Variants in CDH23 observed in about 807,000 individuals in gnomAD.
CDH23 encodes cadherin related 23, also known as cadherin-23.
A neutral mutation model predicts 317.1 loss-of-function variants in CDH23; 189 were observed. The observed-to-expected ratio is 0.60, with a 90% CI of 0.53 to 0.67. The LOEUF (loss-of-function observed/expected upper bound fraction) is 0.67, where lower values mean the gene tolerates loss of function less well. Among genes scored for constraint, CDH23 ranks in the 30% least tolerant of loss-of-function variants. CDH23 has a pLI of 0.00. For missense variants in CDH23, 4,401 were observed against 4,592.4 expected (o/e 0.96, Z 1.20); for synonymous variants, 1,839 against 1,876.8 (o/e 0.98, Z 0.52).
chr10:71,743,057 G>A (rs560907792), intron 38 of CDH23, among the ~76,000 whole-genome samples: 1 of 152,300 alleles, frequency 6.6e-6, no homozygotes, highest in Non-Finnish European at 1.5e-5. Context: ...AGACAGCAGA[G>A]GCGTGCAAGG....
At chr10:71,769,523 G>A (rs1027123693) in intron 38 of CDH23, among the ~76,000 whole-genome samples, 1 of 152,242 alleles carries the variant, frequency 6.6e-6, no homozygotes, top group South Asian at 2.1e-4. Flanking sequence ...GGCAGACACT[G>A]CAGAGATCAC....
intron 9 of CDH23, among the ~76,000 whole-genome samples, chr10:71,588,734 G>A (rs1035365741): frequency 2.6e-5 from 4 of 152,194 alleles, no homozygotes; most frequent in Admixed American, 2.0e-4. Flanking sequence ...GGAGGAGGCA[G>A]TTCCCCTGCA....
At chr10:71,525,055 G>A (rs998711548) in intron 6 of CDH23, among the ~76,000 whole-genome samples, 3 of 152,056 alleles carry the variant, frequency 2.0e-5, no homozygotes, top group Admixed American at 1.3e-4. Context: ...TTACAGGCGT[G>A]CACCACCATG....
At chr10:71,766,501 G>T (rs1325893371) in intron 38 of CDH23, among the ~76,000 whole-genome samples, 1 of 152,204 alleles carries the variant, frequency 6.6e-6, no homozygotes, top group Non-Finnish European at 1.5e-5. Context: ...CCACTTAGTT[G>T]TGCCCTCATT....
At position 71,806,249 on chromosome 10, in the gene CDH23, G is replaced by A. The variant is rs748766643; in HGVS notation, c.8146G>A (p.Asp2716Asn). Reference protein sequence around the residue: ...QPLQVALEDIDDNEPLFVRPP... With the variant: ...QPLQVALEDINDNEPLFVRPP... ...GCTGCAGGTGGCCCTGGAGGACATCGATGACAACGAACCCCTTTTCGTGAG... is the reference window on the plus strand; with the variant it reads ...GCTGCAGGTGGCCCTGGAGGACATCAATGACAACGAACCCCTTTTCGTGAG... Residue 2716 changes from aspartate to asparagine, a missense_variant, in exon 57 of 70, where the codon GAT becomes AAT. Around this residue, in one of 3 missense-constraint regions of CDH23, gnomAD observed 1,144 missense variants for 1,138.2 expected, o/e 1.01. Transcript: ENST00000224721. The A allele has an allele frequency of 1.2e-5, 19 of 1,570,102 alleles. No individual in the cohort carries two copies. Among genetic ancestry groups the A allele is most frequent in the Admixed American group, 7.4e-5 (4 of 53,696 alleles).
rs1849793051 is a variant in CDH23 at position 71,439,887 on chromosome 10, C to G, written c.56C>G (p.Ser19Cys). The change falls in exon 2 of 70, where the codon TCT becomes TGT. Residue 19 changes from serine to cysteine, a missense_variant. Coordinates refer to ENST00000224721, the MANE Select transcript of CDH23 (RefSeq NM_022124.6). ...CHVAWLLVLI[S>C]GCWGQVNRLP... Reference sequence around the variant, plus strand: ...GTGGCCTGGCTTTTGGTGCTGATCTCTGGATGCTGGGGTAAGTCCAGTCCT... The same window carrying G: ...GTGGCCTGGCTTTTGGTGCTGATCTGTGGATGCTGGGGTAAGTCCAGTCCT... The G allele has an allele frequency of 6.4e-7, 1 of 1,573,980 alleles. No homozygotes were observed. Among genetic ancestry groups the G allele is most frequent in the Admixed American group, 1.8e-5 (1 of 54,264 alleles).
At chr10:71,499,808 C>T (rs1201090142) in intron 3 of CDH23, among the ~76,000 whole-genome samples, 5 of 151,734 alleles carry the variant, frequency 3.3e-5, no homozygotes, top group African/African-American at 1.2e-4. Context: ...CATTGCACTC[C>T]AGCCTGAGCA....
At chr10:71,448,000 T>A (rs1850252897) in intron 3 of CDH23, among the ~76,000 whole-genome samples, 1 of 152,144 alleles carries the variant, frequency 6.6e-6, no homozygotes, top group Admixed American at 6.5e-5. Flanking sequence ...GGAGATCCCT[T>A]TGTGGTGGAG....
chr10:71,673,749 T>C (rs1448577668), intron 14 of CDH23, among the ~76,000 whole-genome samples: 1 of 152,154 alleles, frequency 6.6e-6, no homozygotes, highest in Non-Finnish European at 1.5e-5. Flanking sequence ...GTGGTGCTAA[T>C]AATAGTACCT....
At chr10:71,629,398 C>T (rs1048758621) in intron 11 of CDH23, among the ~76,000 whole-genome samples, 4 of 152,140 alleles carry the variant, frequency 2.6e-5, no homozygotes, top group African/African-American at 9.7e-5. Flanking sequence ...GAAGAACGTT[C>T]AGGCAGAGGG....
intron 31 of CDH23, among the ~76,000 whole-genome samples, chr10:71,731,438 G>A (rs1839382127): frequency 6.6e-6 from 1 of 152,210 alleles, no homozygotes; most frequent in Non-Finnish European, 1.5e-5. Context: ...CGCGGCTGTG[G>A]CCCCTTGAGG....
At position 71,555,196 on chromosome 10, in the gene CDH23, T is replaced by C. The variant is rs908097850; in HGVS notation, c.430-11546T>C. On this transcript the variant is annotated intron_variant, in intron 6 of 69. Transcript: ENST00000224721. The stretch of plus-strand genomic sequence containing the variant: ...TTATTCTTGGTTTCCTCCCATTTCA[T>C]GGAGAGGAAAACAGAAGCCCAGCCC... Among the ~76,000 whole-genome samples the C allele has an allele frequency of 5.9e-5, 9 of 152,138 alleles. 1 individual carries two copies. Among genetic ancestry groups the C allele is most frequent in the Admixed American group, 5.9e-4 (9 of 15,276 alleles).
rs777000077 is a variant in CDH23 at position 71,740,964 on chromosome 10, C to T, written c.4617+14C>T. 8.7e-6 allele frequency: 14 copies of T among 1,613,650 alleles called. No homozygotes were observed. Among genetic ancestry groups the T allele is most frequent in the African/African-American group, 4.0e-5 (3 of 74,910 alleles). ...AGTGTGAATGAGGTGAGGGCAGCCC[C>T]GGGGCCCATATAGCTGGACATACGG... On this transcript the variant is annotated intron_variant, in intron 37 of 69. Transcript: ENST00000224721.
chr10:71,561,546 A>G (rs925586353), intron 6 of CDH23, among the ~76,000 whole-genome samples: 1 of 152,154 alleles, frequency 6.6e-6, no homozygotes, highest in Admixed American at 6.5e-5. Flanking sequence ...GAACTTTCCC[A>G]GAGTCTATTC....
rs749339269 is a variant in CDH23, at chr10:71,679,511, T to A, written c.1858+19T>A. The A allele has an allele frequency of 4.4e-6, 7 of 1,579,610 alleles. No homozygotes were observed. The highest frequency in any genetic ancestry group is 6.0e-6 in the Non-Finnish European group (7 of 1,157,750). ...TATGGAGGTAGGTGTGGGGCAGAAC[T>A]CGGGGCCCAGCCAGGAGGAGGGCTG... On this transcript the variant is annotated intron_variant, in intron 17 of 69. Transcript: ENST00000224721.
At position 71,785,655 on chromosome 10, in the gene CDH23, C is replaced by A. The variant is rs1456005332; in HGVS notation, c.5737C>A (p.Pro1913Thr). 4 of 1,604,206 alleles carry A rather than the reference C, an allele frequency of 2.5e-6. No individual in the cohort carries two copies. The highest frequency in any genetic ancestry group is 2.6e-6 in the Non-Finnish European group (3 of 1,175,284). Residue 1913 changes from proline (P) to threonine (T), a missense_variant, in exon 44 of 70, where the codon CCC becomes ACC. Coordinates refer to ENST00000224721, the MANE Select transcript of CDH23 (RefSeq NM_022124.6). ...ATTGIVTVNR[P>T]LDRERIPEYK... ...GACAGGGATCGTCACTGTGAACCGG[C>A]CCCTGGACCGCGAGCGGATCCCAGA...
intron 19 of CDH23, among the ~76,000 whole-genome samples, chr10:71,689,632 C>G (rs1376366007): frequency 1.3e-5 from 2 of 152,224 alleles, no homozygotes; most frequent in Non-Finnish European, 2.9e-5. Flanking sequence ...AGCCCTGCAG[C>G]CCAGTGGAGC....
intron 6 of CDH23, among the ~76,000 whole-genome samples, chr10:71,549,439 C>A (rs1009484007): frequency 1.3e-5 from 2 of 152,244 alleles, no homozygotes; most frequent in Non-Finnish European, 2.9e-5. Context: ...ATCTCTTGAC[C>A]ACTGAGCTGA....
intron 38 of CDH23, among the ~76,000 whole-genome samples, chr10:71,759,096 G>T (rs552925122): frequency 6.6e-6 from 1 of 151,974 alleles, no homozygotes; most frequent in African/African-American, 2.4e-5. Flanking sequence ...GGAGTGCAGT[G>T]GCGCGATCTC....
Sources: allele counts gnomAD v4.1 joint callset (sites outside exome capture counted in the v4.1 genomes callset), GRCh38; gene constraint gnomAD v4.1.1; regional missense constraint gnomAD v4.1.1; transcripts MANE v1.5; gene names NCBI Gene and HGNC (gene_info 2026-07-23, HGNC 2026-07-21).